Variants in AKAP6 observed in about 807,000 individuals in gnomAD.
AKAP6 encodes the protein A-kinase anchoring protein 6, also known as A-kinase anchor protein 6.
Under a neutral mutation model 188.5 loss-of-function variants are expected in AKAP6, and 58 were observed. The ratio of observed to expected loss-of-function variants is 0.31; its 90% CI spans 0.25 to 0.38. The LOEUF is 0.38. AKAP6 is among the 10% of genes least tolerant of loss of function. AKAP6 has a pLI of 1.00. For synonymous variants in AKAP6, 989 were observed against 998.6 expected (o/e 0.99, Z 0.18); for missense variants, 2,710 against 2,740.0 (o/e 0.99, Z 0.24).
At chr14:32,342,405 G>A (rs1169231744) in intron 1 of AKAP6, among the ~76,000 whole-genome samples, 4 of 152,142 alleles carry the variant, frequency 2.6e-5, no homozygotes, top group South Asian at 4.2e-4. Flanking sequence ...GTCCTGTTGA[G>A]TCACCAAGTT....
At chr14:32,531,811 GT>G (rs967312155) in intron 2 of AKAP6, among the ~76,000 whole-genome samples, 2 of 152,180 alleles carry the variant, frequency 1.3e-5, no homozygotes, top group Admixed American at 1.3e-4. Context: ...ATTGTTACAT[GT>G]ATAGTGGTTC....
chr14:32,531,558 G>A (rs1441218255), intron 2 of AKAP6, among the ~76,000 whole-genome samples: 1 of 152,130 alleles, frequency 6.6e-6, no homozygotes, highest in Non-Finnish European at 1.5e-5. Context: ...TAACCCATGT[G>A]TAGATTTGCA....
intron 12 of AKAP6, among the ~76,000 whole-genome samples, chr14:32,790,546 GA>G (rs1158173427): frequency 6.6e-6 from 1 of 152,154 alleles, no homozygotes; most frequent in Non-Finnish European, 1.5e-5. Context: ...CTACAAGTCA[GA>G]AGAGATTGGG....
rs543144134 is a variant in AKAP6 at position 32,569,437 on chromosome 14, T to C, written c.2347-7683T>C. 1.3e-4 allele frequency among the ~76,000 whole-genome samples: 20 copies of C among 152,304 alleles called. No individual in the cohort carries two copies. In the South Asian group the frequency reaches 3.9e-3, roughly 30 times the overall value. On this transcript the variant is annotated intron_variant, in intron 4 of 13. Transcript: ENST00000280979. ...CTTCTGTCAATTACTCGTACTGTGT[T>C]GGATTTTCTAGGTAGGAGTGTGGGT...
intron 1 of AKAP6, among the ~76,000 whole-genome samples, chr14:32,353,224 C>T (rs1057281360): frequency 2.6e-5 from 4 of 152,136 alleles, no homozygotes; most frequent in Admixed American, 2.0e-4. Flanking sequence ...CCTTCTTTAC[C>T]TCCTTTCTCT....
chr14:32,554,807 A>G (rs1021076478), intron 4 of AKAP6, among the ~76,000 whole-genome samples: 9 of 152,172 alleles, frequency 5.9e-5, no homozygotes, highest in African/African-American at 2.2e-4. Context: ...TCAGTGAAGC[A>G]TTTCAGGAGA....
At chr14:32,796,435 C>T (rs926413260) in intron 12 of AKAP6, among the ~76,000 whole-genome samples, 1 of 152,014 alleles carries the variant, frequency 6.6e-6, no homozygotes, top group Non-Finnish European at 1.5e-5. Flanking sequence ...AGAACAGACA[C>T]GTAGATCAAT....
chr14:32,702,107 G>A (rs1248461074), intron 9 of AKAP6, among the ~76,000 whole-genome samples: 1 of 152,030 alleles, frequency 6.6e-6, no homozygotes, highest in East Asian at 1.9e-4. Flanking sequence ...AGAATTTAAT[G>A]GTAATTTTTT....
At chr14:32,368,217 C>T (rs769243663) in intron 1 of AKAP6, among the ~76,000 whole-genome samples, 3 of 152,132 alleles carry the variant, frequency 2.0e-5, no homozygotes, top group Non-Finnish European at 4.4e-5. Context: ...TGAACATAAT[C>T]CATTGCAGAT....
At chr14:32,672,276 A>G (rs9806040) in intron 7 of AKAP6, among the ~76,000 whole-genome samples, 57,524 of 152,182 alleles carry the variant, frequency 0.38, 14,762 homozygotes, top group African/African-American at 0.72. Flanking sequence ...TTATTGATAA[A>G]TAGCAAAGCA....
rs2034804158 is a variant in AKAP6 at position 32,830,686 on chromosome 14, T to C, written c.*881T>C. The C allele has an allele frequency of 6.6e-6, 1 of 152,652 alleles. No individual in the cohort carries two copies. The highest frequency in any genetic ancestry group is 1.5e-5 in the Non-Finnish European group (1 of 68,034). The allele number at this position is 152,652 out of a possible 1,614,324, so 9.5% of individuals were successfully genotyped here. On this transcript the variant is annotated 3_prime_UTR_variant, in exon 14 of 14. Coordinates refer to ENST00000280979, the MANE Select transcript of AKAP6 (RefSeq NM_004274.5). ...GTATAACCAAGTACAAACATTGATG[T>C]ATAATGACAGTATAAAATGCTTTCA...
chr14:32,783,505 A>C (rs891495098), intron 12 of AKAP6, among the ~76,000 whole-genome samples: 2 of 152,224 alleles, frequency 1.3e-5, no homozygotes, highest in South Asian at 2.1e-4. Flanking sequence ...TTTAAAAAAA[A>C]CACATATTCA....
chr14:32,541,035 A>G (rs946868816), intron 3 of AKAP6, among the ~76,000 whole-genome samples: 2 of 152,034 alleles, frequency 1.3e-5, no homozygotes, highest in South Asian at 2.1e-4. Flanking sequence ...GTAACCAAAT[A>G]CCACCTGTTC....
intron 2 of AKAP6, among the ~76,000 whole-genome samples, chr14:32,517,381 G>A (rs776677412): frequency 3.9e-5 from 6 of 152,150 alleles, no homozygotes; most frequent in African/African-American, 2.4e-5. Flanking sequence ...CGCAGAAGAC[G>A]GGTGATTTCT....
intron 7 of AKAP6, among the ~76,000 whole-genome samples, chr14:32,653,507 G>A (rs1888317064): frequency 6.6e-6 from 1 of 152,004 alleles, no homozygotes; most frequent in Non-Finnish European, 1.5e-5. Flanking sequence ...CACCTGCTCC[G>A]TCTTCATCTT....
chr14:32,510,284 C>G (rs1174841155), intron 2 of AKAP6, among the ~76,000 whole-genome samples: 1 of 150,386 alleles, frequency 6.6e-6, no homozygotes, highest in Non-Finnish European at 1.5e-5. Flanking sequence ...AACAGGCAAG[C>G]AAAAAGCCAC....
chr14:32,546,609 G>C lies in AKAP6; in HGVS notation c.1956G>C (p.Lys652Asn). The C allele has an allele frequency of 6.2e-7, 1 of 1,614,112 alleles. No individual in the cohort carries two copies. The highest frequency in any genetic ancestry group is 1.1e-5 in the South Asian group (1 of 91,078). Residue 652 changes from lysine to asparagine, a missense_variant, in exon 4 of 14, where the codon AAG becomes AAC. Physicochemically the swap from Lys to Asn is moderately conservative, Grantham distance 94. This residue lies in a region of AKAP6 where 2,473 missense variants were observed against 2,426.1 expected (regional missense o/e 1.02). Transcript: ENST00000280979. ...CTTTGAAGTTGGAAAACCTAACAAAGCTTCTGCCTCAGAAACCCAGAGGAG... is the reference window on the plus strand; with the variant it reads ...CTTTGAAGTTGGAAAACCTAACAAACCTTCTGCCTCAGAAACCCAGAGGAG... The part of the protein sequence containing the change: ...VLALKLENLT[K>N]LLPQKPRGET...
At chr14:32,682,997 T>C (rs1013529240) in intron 8 of AKAP6, among the ~76,000 whole-genome samples, 3 of 148,534 alleles carry the variant, frequency 2.0e-5, no homozygotes, top group Admixed American at 6.7e-5. Flanking sequence ...TTTTCTTCCT[T>C]TTTTTTTTGT....
chr14:32,725,019 A>C (rs1182805895), intron 9 of AKAP6, among the ~76,000 whole-genome samples: 1 of 147,584 alleles, frequency 6.8e-6, no homozygotes, highest in Non-Finnish European at 1.5e-5. Context: ...AAAAAAAAAC[A>C]ATTTTCCTGA....
Sources: gnomAD v4.1 joint callset for allele counts (sites outside exome capture counted in the v4.1 genomes callset) on GRCh38, gnomAD v4.1.1 for gene constraint, gnomAD v4.1.1 regional missense constraint, MANE v1.5 for transcripts, NCBI Gene and HGNC (gene_info 2026-07-23, HGNC 2026-07-21) for gene names.